The following AGRN variants were observed in gnomAD, a reference collection of about 807,000 sequenced individuals.
The protein encoded by AGRN is agrin.
A neutral mutation model predicts 211.0 loss-of-function variants in AGRN; 106 were observed. The ratio of observed to expected loss-of-function variants is 0.50; its 90% CI spans 0.43 to 0.59. AGRN has a LOEUF of 0.59. Ranked by LOEUF, AGRN falls within the 20% of genes least tolerant of loss-of-function variation. The pLI is 0.00. For missense variants in AGRN, 3,040 were observed against 2,982.6 expected (o/e 1.02, Z -0.45); for synonymous variants, 1,525 against 1,332.5 (o/e 1.14, Z -3.15).
intron 1 of AGRN, 24 bp downstream of exon 1, chr1:1,020,397 TC>T: frequency 1.3e-6 from 2 of 1,486,704 alleles, no homozygotes; most frequent in Non-Finnish European, 9.0e-7. Context: ...GACCCCGGCC[TC>T]CCCTCGCGAC....
chr1:1,043,046 G>A (rs1034541901), intron 7 of AGRN, among the ~76,000 whole-genome samples, 193 bp from the exon 8 acceptor site: 5 of 152,254 alleles, frequency 3.3e-5, no homozygotes, highest in African/African-American at 1.2e-4. Context: ...ACTCCTGGGT[G>A]TGTGTTCCGC....
In AGRN at chr1:1,048,722, G is replaced by T; in HGVS notation, c.4106-145G>T. On this transcript the variant is annotated intron_variant, in intron 23 of 35. Transcript: ENST00000379370. The surrounding 1 kb of genome is among the most constrained non-coding windows in gnomAD (Gnocchi z 5.9). ...GCGGAGGTTGCGGTGAGCCAGGATC[G>T]CGCCACTGCACTCCAGCCGGGGCAA... 3 of 974,718 alleles carry T rather than the reference G, an allele frequency of 3.1e-6. No homozygotes were observed. Among genetic ancestry groups the T allele is most frequent in the Non-Finnish European group, 4.4e-6 (3 of 683,594 alleles). The allele number at this position is 974,718 out of a possible 1,614,324, so 60.4% of individuals were successfully genotyped here.
chr1:1,040,860 T>A lies in AGRN; in HGVS notation c.707T>A (p.Leu236Gln), dbSNP rs1199934686. 1.3e-6 allele frequency: 2 copies of A among 1,525,890 alleles called. No individual in the cohort carries two copies. The highest frequency in any genetic ancestry group is 4.0e-5 in the Admixed American group (2 of 50,438). 94.5% of individuals were successfully genotyped at this position (1,525,890 alleles called of 1,614,324 possible). A position where few individuals can be genotyped will look rare whatever the true frequency, so the allele number is the denominator to read the frequency against. ...TGCAGCCAGCAGCGCCGCATCCGCC[T>A]GCTCAGCCGCGGGCCGTGCGGTGAG... ...AQCSQQRRIR[L>Q]LSRGPCGSRD... The change falls in exon 4 of 36, where the codon CTG becomes CAG. Residue 236 changes from leucine to glutamine, a missense_variant. Transcript: ENST00000379370.
At chr1:1,022,829 G>T (rs757427327) in intron 2 of AGRN, among the ~76,000 whole-genome samples, 1 of 152,244 alleles carries the variant, frequency 6.6e-6, no homozygotes, top group Non-Finnish European at 1.5e-5. Flanking sequence ...CCAGACCTCC[G>T]TCTAGACGGG....
intron 12 of AGRN, 38 bp from the exon 13 acceptor site, chr1:1,045,123 C>T (rs1226778819): frequency 6.3e-7 from 1 of 1,598,536 alleles, no homozygotes; most frequent in South Asian, 1.1e-5. Flanking sequence ...GGGTGTCCAG[C>T]ACTGCATGAA....
chr1:1,043,905 G>C lies in AGRN; in HGVS notation c.1881G>C (p.Pro627=). 6.2e-7 allele frequency: 1 copy of C among 1,610,180 alleles called. No individual in the cohort carries two copies. Among genetic ancestry groups the C allele is most frequent in the East Asian group, 2.2e-5 (1 of 44,786 alleles). The part of the protein sequence containing the change: ...QCVCPRCEHP[P]PGPVCGSDGV... Reference sequence around the variant, plus strand: ...TGTGTCCCCGGTGTGAGCACCCCCCGCCCGGCCCCGTGTGTGGCAGCGACG... The same window carrying C: ...TGTGTCCCCGGTGTGAGCACCCCCCCCCCGGCCCCGTGTGTGGCAGCGACG... The change falls in exon 10 of 36, where the codon CCG becomes CCC. Residue 627 remains proline, a synonymous_variant. Transcript: ENST00000379370.
intron 33 of AGRN, chr1:1,053,499 C>T (rs1645367584): frequency 6.6e-7 from 1 of 1,519,504 alleles, no homozygotes; most frequent in Non-Finnish European, 8.9e-7. Context: ...CACAGGTGAG[C>T]ACGTGGCAGC....
At chr1:1,054,154 CAGTTTCCACGTCTG>C (rs1218948447) in intron 34 of AGRN, among the ~76,000 whole-genome samples, 177 bp downstream of exon 34, 2 of 152,236 alleles carry the variant, frequency 1.3e-5, no homozygotes, top group Non-Finnish European at 2.9e-5. Flanking sequence ...AAGCAATGAT[CAGTTTCCACGTCTG>C]AAAGGCATCC....
In AGRN at chr1:1,020,269, G is replaced by C. The variant is rs1000275884; in HGVS notation, c.97G>C (p.Glu33Gln). ...VLPGAGGTCPERALERREEEA... is the reference protein window; with the variant it reads ...VLPGAGGTCPQRALERREEEA... Reference sequence around the variant, plus strand: ...GCCCGGAGCCGGCGGGACATGCCCGGAGCGCGCGCTGGAGCGGCGCGAGGA... The same window carrying C: ...GCCCGGAGCCGGCGGGACATGCCCGCAGCGCGCGCTGGAGCGGCGCGAGGA... Residue 33 changes from glutamate to glutamine, a missense_variant, in exon 1 of 36, where the codon GAG (glutamate) becomes CAG (glutamine). Glu to Gln is a conservative substitution (Grantham distance 29, BLOSUM62 2). This residue lies in a region of AGRN where 1,498 missense variants were observed against 1,457.8 expected (regional missense o/e 1.03). Transcript: ENST00000379370. 4.8e-6 allele frequency: 7 copies of C among 1,468,712 alleles called. No individual in the cohort carries two copies. The highest frequency in any genetic ancestry group is 6.3e-6 in the Non-Finnish European group (7 of 1,110,150). 91.0% of individuals were successfully genotyped at this position (1,468,712 alleles called of 1,614,324 possible).
chr1:1,034,756 C>T (rs577668307), intron 2 of AGRN: 1 of 1,014,116 alleles, frequency 9.9e-7, no homozygotes, highest in Non-Finnish European at 1.2e-6. Context: ...CCCCGAGGCC[C>T]CTGCACATAG....
rs781152491 is a variant in AGRN, at chr1:1,050,304, C to T, written c.4951C>T (p.Leu1651=). 2.5e-5 allele frequency: 41 copies of T among 1,612,902 alleles called. No individual in the cohort carries two copies. Among genetic ancestry groups the T allele is most frequent in the Non-Finnish European group, 3.1e-5 (37 of 1,179,928 alleles). The change falls in exon 28 of 36, where the codon CTG becomes TTG. Residue 1651 remains leucine (L), a synonymous_variant. Transcript: ENST00000379370. ...NGFSHLELRG[L]HTFARDLGEK... ...CTTCTCCCACCTGGAGCTGAGAGGCCTGCACACCTTTGCACGGGACCTGGG... is the reference window on the plus strand; with the variant it reads ...CTTCTCCCACCTGGAGCTGAGAGGCTTGCACACCTTTGCACGGGACCTGGG...
At position 1,043,535 on chromosome 1, in the gene AGRN, C is replaced by T; in HGVS notation, c.1604-3C>T. 1 of 1,603,602 alleles carries T rather than the reference C, an allele frequency of 6.2e-7. No homozygotes were observed. The highest frequency in any genetic ancestry group is 8.5e-7 in the Non-Finnish European group (1 of 1,179,808). Reference sequence around the variant, plus strand: ...TCGCCTGGTGATGGAAGCTCCTCCCCAGACCGCTGCGGGCAGTGCCGCTTT... The same window carrying T: ...TCGCCTGGTGATGGAAGCTCCTCCCTAGACCGCTGCGGGCAGTGCCGCTTT... On this transcript the variant is annotated splice_polypyrimidine_tract_variant and splice_region_variant and intron_variant, in intron 8 of 35. Coordinates refer to ENST00000379370, the MANE Select transcript of AGRN (RefSeq NM_198576.4).
intron 2 of AGRN, among the ~76,000 whole-genome samples, chr1:1,029,053 C>T (rs1285651453): frequency 9.7e-6 from 1 of 102,950 alleles, no homozygotes; most frequent in African/African-American, 3.7e-5. Context: ...ACGCCACCCT[C>T]TCCCAAGGAA....
intron 2 of AGRN, among the ~76,000 whole-genome samples, chr1:1,030,004 A>G (rs1425116884): frequency 1.3e-5 from 1 of 75,182 alleles, no homozygotes; most frequent in African/African-American, 6.0e-5. Context: ...TGTGCAGTGC[A>G]TGGTGCTGTG....
At chr1:1,030,301 A>ATG (rs1399711456) in intron 2 of AGRN, among the ~76,000 whole-genome samples, 2 of 28,500 alleles carry the variant, frequency 7.0e-5, no homozygotes, top group African/African-American at 1.5e-4. Context: ...TGAGATCAGC[A>ATG]TGTGTGTGTG....
intron 27 of AGRN, 24 bp downstream of exon 27, chr1:1,050,061 GC>G (rs1645233980): frequency 2.7e-6 from 4 of 1,462,440 alleles, no homozygotes; most frequent in African/African-American, 3.8e-5. Context: ...GGCTCTCGGG[GC>G]AGGGGGGGGG....
intron 3 of AGRN, among the ~76,000 whole-genome samples, chr1:1,037,782 GT>G (rs1644835737): frequency 6.6e-6 from 1 of 152,240 alleles, no homozygotes. Context: ...ATTTCTAGCA[GT>G]GTGGCCTTGT....
At chr1:1,037,052 T>A (rs1035428593) in intron 3 of AGRN, among the ~76,000 whole-genome samples, 1 of 151,680 alleles carries the variant, frequency 6.6e-6, no homozygotes, top group East Asian at 1.9e-4. Context: ...GGCAGGAGGG[T>A]ATGGACTCAG....
chr1:1,044,109 C>G lies in AGRN; in HGVS notation c.2000C>G (p.Ala667Gly). 1 of 1,613,226 alleles carries G rather than the reference C, an allele frequency of 6.2e-7. No individual in the cohort carries two copies. Among genetic ancestry groups the G allele is most frequent in the Non-Finnish European group, 8.5e-7 (1 of 1,179,920 alleles). ...GTGACTCTGCTCCCCTTCCCCGCAG[C>G]CGAGTGCGGTTCCGGAGGCTCTGGC... is the stretch of plus-strand genomic sequence containing the variant. Reference protein sequence around the residue: ...EEARAGPCEQAECGSGGSGSG... With the variant: ...EEARAGPCEQGECGSGGSGSG... Residue 667 changes from alanine to glycine, a missense_variant and splice_region_variant, in exon 11 of 36, where the codon GCC becomes GGC. Coordinates refer to ENST00000379370, the MANE Select transcript of AGRN (RefSeq NM_198576.4).
Sources: gnomAD v4.1 joint callset for allele counts (sites outside exome capture counted in the v4.1 genomes callset) on GRCh38, gnomAD v4.1.1 for gene constraint, gnomAD v4.1.1 regional missense constraint, Gnocchi (gnomAD v3.1) non-coding constraint, MANE v1.5 for transcripts, NCBI Gene and HGNC (gene_info 2026-07-23, HGNC 2026-07-21) for gene names.